Variants in ASTN1 observed in about 807,000 individuals in gnomAD.
The protein encoded by ASTN1 is astrotactin-1.
In ASTN1, 41 loss-of-function variants were observed where a neutral mutation model predicts 140.7. That is an observed-to-expected ratio of 0.29 (90% CI 0.23 to 0.38). The LOEUF (loss-of-function observed/expected upper bound fraction) is 0.38. ASTN1 is among the 10% of genes least tolerant of loss of function. The probability of loss-of-function intolerance (pLI) is 1.00; values close to 1 mark genes in which losing one functional copy is unlikely to be tolerated. For missense variants in ASTN1, 1,479 were observed against 1,678.8 expected (o/e 0.88, Z 2.08); for synonymous variants, 640 against 652.2 (o/e 0.98, Z 0.29).
chr1:177,058,516 A>T (rs1417812970), intron 2 of ASTN1, among the ~76,000 whole-genome samples: 1 of 152,154 alleles, frequency 6.6e-6, no homozygotes, highest in Non-Finnish European at 1.5e-5. Flanking sequence ...GATAAGTTTA[A>T]AGTTGACTCT....
At chr1:177,013,797 A>G (rs751894445) in intron 8 of ASTN1, among the ~76,000 whole-genome samples, 1 of 152,092 alleles carries the variant, frequency 6.6e-6, no homozygotes, top group South Asian at 2.1e-4. Context: ...GCATTTATTG[A>G]TCCCCTTCTC....
At chr1:177,005,504 T>C (rs1382436585) in intron 8 of ASTN1, among the ~76,000 whole-genome samples, 1 of 152,230 alleles carries the variant, frequency 6.6e-6, no homozygotes, top group Non-Finnish European at 1.5e-5. Flanking sequence ...CTAGTCACTA[T>C]ATCAAAAAGA....
At chr1:176,906,719 TG>T (rs1452804467) in intron 16 of ASTN1, among the ~76,000 whole-genome samples, 1 of 151,146 alleles carries the variant, frequency 6.6e-6, no homozygotes, top group African/African-American at 2.4e-5. Context: ...CCAGGCGTGG[TG>T]GTGTGTGCCT....
In ASTN1 at chr1:177,077,952, A is replaced by C. The variant is rs530795571; in HGVS notation, c.284-16687T>G. Among the ~76,000 whole-genome samples, 10 of 152,296 alleles carry C rather than the reference A, an allele frequency of 6.6e-5. No individual in the cohort carries two copies. In the South Asian group the frequency reaches 1.9e-3, roughly 28 times the overall value. On this transcript the variant is annotated intron_variant, in intron 1 of 22. Transcript: ENST00000361833. Reference sequence around the variant, plus strand: ...AATGTGAAATTGGGAATATGGAACAAATCAGGCATAAATAAGTGGAAGCAG... The same window carrying C: ...AATGTGAAATTGGGAATATGGAACACATCAGGCATAAATAAGTGGAAGCAG...
At chr1:176,971,608 G>A (rs74826447) in intron 8 of ASTN1, among the ~76,000 whole-genome samples, 4 of 152,070 alleles carry the variant, frequency 2.6e-5, no homozygotes, top group Non-Finnish European at 5.9e-5. Context: ...GGCCTTCCCT[G>A]GCACTCCTAG....
At chr1:176,993,678 C>T (rs143266151) in intron 8 of ASTN1, among the ~76,000 whole-genome samples, 123 of 152,230 alleles carry the variant, frequency 8.1e-4, no homozygotes, top group African/African-American at 2.7e-3. Flanking sequence ...ATACTCATTG[C>T]CCCATACGCA....
In ASTN1 at chr1:176,864,438, C is replaced by T. The variant is rs778485570; in HGVS notation, c.3731G>A (p.Arg1244Gln). 3.8e-5 allele frequency: 62 copies of T among 1,613,986 alleles called. No individual in the cohort carries two copies. The highest frequency in any genetic ancestry group is 1.6e-4 in the Middle Eastern group (1 of 6,084). Residue 1244 changes from arginine (R) to glutamine (Q), a missense_variant, in exon 23 of 23, where the codon CGG becomes CAG. Arg to Gln is a conservative substitution (Grantham distance 43). Coordinates refer to ENST00000361833, the MANE Select transcript of ASTN1 (RefSeq NM_004319.3). ...CCCCAGGTACTTGAGTGAGCTGCGCCGCAAGCTTATCTTGGGTTCCTGAAG... is the reference window on the plus strand; with the variant it reads ...CCCCAGGTACTTGAGTGAGCTGCGCTGCAAGCTTATCTTGGGTTCCTGAAG... ...GLLQEPKISL[R>Q]RSSLKYLGCR...
chr1:176,904,311 G>A (rs568440663), intron 16 of ASTN1, among the ~76,000 whole-genome samples: 19 of 137,960 alleles, frequency 1.4e-4, no homozygotes, highest in African/African-American at 5.1e-4. Flanking sequence ...CGGCTCCATC[G>A]GCGTCCTGCT....
chr1:176,998,574 G>A, intron 8 of ASTN1, among the ~76,000 whole-genome samples: 1 of 152,088 alleles, frequency 6.6e-6, no homozygotes. Context: ...CACTGACAGT[G>A]GAGAGAAGAT....
chr1:177,060,412 A>C (rs891364750), intron 2 of ASTN1, among the ~76,000 whole-genome samples: 6 of 152,190 alleles, frequency 3.9e-5, no homozygotes, highest in Non-Finnish European at 5.9e-5. Flanking sequence ...AGCAGCTTGG[A>C]GAGTCAGTCA....
At chr1:177,069,634 A>T (rs55755782) in intron 1 of ASTN1, among the ~76,000 whole-genome samples, 2,273 of 152,320 alleles carry the variant, frequency 0.015, 26 homozygotes, top group Middle Eastern at 0.031. Context: ...GAGCAACTAC[A>T]TGAACATTCT....
intron 8 of ASTN1, among the ~76,000 whole-genome samples, chr1:177,013,851 C>G (rs1675412337): frequency 6.6e-6 from 1 of 152,110 alleles, no homozygotes; most frequent in South Asian, 2.1e-4. Flanking sequence ...AAAGTTAACT[C>G]TCAACATCTA....
chr1:177,126,548 G>A (rs1681659425), intron 1 of ASTN1, among the ~76,000 whole-genome samples: 1 of 152,172 alleles, frequency 6.6e-6, no homozygotes, highest in Admixed American at 6.5e-5. Flanking sequence ...CAGGAAAAAG[G>A]AAGGGGCCAA....
chr1:176,896,199 A>G (rs1450651741), intron 16 of ASTN1, among the ~76,000 whole-genome samples: 2 of 152,220 alleles, frequency 1.3e-5, no homozygotes, highest in Non-Finnish European at 2.9e-5. Flanking sequence ...GGAAACAATG[A>G]GGAAGTTTTA....
intron 1 of ASTN1, among the ~76,000 whole-genome samples, chr1:177,083,710 C>A (rs750696443): frequency 6.6e-6 from 1 of 151,976 alleles, no homozygotes; most frequent in Non-Finnish European, 1.5e-5. Flanking sequence ...AACAAAGTAC[C>A]CAAAATCCTG....
At chr1:177,055,276 T>C (rs1442838759) in intron 2 of ASTN1, among the ~76,000 whole-genome samples, 1 of 152,316 alleles carries the variant, frequency 6.6e-6, no homozygotes, top group South Asian at 2.1e-4. Context: ...ACAAAATAGA[T>C]GAGCAACCCA....
chr1:177,063,682 C>A (rs1301229736), intron 1 of ASTN1, among the ~76,000 whole-genome samples: 1 of 152,136 alleles, frequency 6.6e-6, no homozygotes, highest in Non-Finnish European at 1.5e-5. Flanking sequence ...CCAACCACTA[C>A]TCATGCCTTC....
chr1:176,894,752 A>G lies in ASTN1; in HGVS notation c.2750T>C (p.Leu917Ser), dbSNP rs1669432623. The G allele has an allele frequency of 1.2e-6, 2 of 1,614,072 alleles. No homozygotes were observed. The highest frequency in any genetic ancestry group is 1.7e-6 in the Non-Finnish European group (2 of 1,180,050). The change falls in exon 17 of 23, where the codon TTG (leucine) becomes TCG (serine). Residue 917 changes from leucine to serine, a missense_variant. By Grantham distance (145) the Leu-to-Ser change is moderately radical (BLOSUM62 -2). This residue lies in a region of ASTN1 where 746 missense variants were observed against 800.9 expected (regional missense o/e 0.93). Transcript: ENST00000361833. ...VLTFPEYITS[L>S]SDSGTKHMAA... ...CATGTGCTTGGTGCCGGAGTCTGACAAGCTGGTGATGTATTCTGGGAATGT... is the reference window on the plus strand; with the variant it reads ...CATGTGCTTGGTGCCGGAGTCTGACGAGCTGGTGATGTATTCTGGGAATGT...
intron 21 of ASTN1, among the ~76,000 whole-genome samples, chr1:176,872,592 C>A (rs1668394884): frequency 6.6e-6 from 1 of 152,146 alleles, no homozygotes; most frequent in African/African-American, 2.4e-5. Context: ...ATCATGTCAG[C>A]CCCTTGCTCA....
Sources: allele counts gnomAD v4.1 joint callset (sites outside exome capture counted in the v4.1 genomes callset), GRCh38; gene constraint gnomAD v4.1.1; regional missense constraint gnomAD v4.1.1; transcripts MANE v1.5; gene names NCBI Gene and HGNC (gene_info 2026-07-23, HGNC 2026-07-21).